Variants in PPA2 observed in about 807,000 individuals in gnomAD.
The protein encoded by PPA2 is inorganic pyrophosphatase 2, mitochondrial.
In PPA2, 48 loss-of-function variants were observed where a neutral mutation model predicts 49.5. The ratio of observed to expected loss-of-function variants is 0.97; its 90% CI spans 0.77 to 1.23. The LOEUF (loss-of-function observed/expected upper bound fraction) is 1.23, where lower values mean the gene tolerates loss of function less well. Ranked by LOEUF, PPA2 falls within the 50% of genes most tolerant of loss-of-function variation. The pLI, the probability that PPA2 is intolerant of heterozygous loss-of-function variation, is 0.00. For missense variants in PPA2, 429 were observed against 410.1 expected, an observed-to-expected ratio of 1.05 and a Z score of -0.40; for synonymous variants, 131 against 139.9, an observed-to-expected ratio of 0.94 and a Z score of 0.45.
intron 1 of PPA2, chr4:105,473,540 A>ACGG (rs1417485823): frequency 2.0e-6 from 1 of 506,484 alleles, no homozygotes; most frequent in Admixed American, 2.3e-5. Context: ...TGAACCGGGA[A>ACGG]CGGCGGCCGG....
chr4:105,455,433 A>G (rs998257987), intron 2 of PPA2, among the ~76,000 whole-genome samples: 4 of 152,190 alleles, frequency 2.6e-5, no homozygotes, highest in Non-Finnish European at 4.4e-5. Flanking sequence ...GCATTACACA[A>G]GAGAAGTGAG....
At chr4:105,383,164 C>T (rs1160527126) in intron 10 of PPA2, among the ~76,000 whole-genome samples, 2 of 152,168 alleles carry the variant, frequency 1.3e-5, no homozygotes, top group Admixed American at 6.6e-5. Context: ...GTTTATGATA[C>T]AGTCATGCTT....
chr4:105,428,136 G>C (rs1296215962), intron 6 of PPA2, among the ~76,000 whole-genome samples: 1 of 152,158 alleles, frequency 6.6e-6, no homozygotes, highest in Non-Finnish European at 1.5e-5. Flanking sequence ...ATCCTTTATA[G>C]ACAAGCAAAT....
At chr4:105,467,859 T>C (rs942586741) in intron 1 of PPA2, among the ~76,000 whole-genome samples, 1 of 152,200 alleles carries the variant, frequency 6.6e-6, no homozygotes, top group African/African-American at 2.4e-5. Context: ...GAGTTCTGTT[T>C]TGTGCTGTTA....
intron 7 of PPA2, among the ~76,000 whole-genome samples, chr4:105,408,151 T>C (rs1196799564): frequency 6.6e-6 from 1 of 150,696 alleles, no homozygotes. Context: ...AGTGTGGGAG[T>C]GAAAAAAGTG....
At chr4:105,427,689 T>C (rs1035118168) in intron 6 of PPA2, among the ~76,000 whole-genome samples, 2 of 152,000 alleles carry the variant, frequency 1.3e-5, no homozygotes, top group African/African-American at 4.8e-5. Context: ...CCAAGAAATA[T>C]AGGACTATGT....
chr4:105,421,827 T>C (rs1034288692), intron 7 of PPA2, among the ~76,000 whole-genome samples: 1 of 152,080 alleles, frequency 6.6e-6, no homozygotes, highest in Non-Finnish European at 1.5e-5. Context: ...TAGATCCCTT[T>C]AGGCCAGGAG....
intron 3 of PPA2, among the ~76,000 whole-genome samples, chr4:105,453,136 T>C (rs949898701): frequency 9.2e-5 from 14 of 152,210 alleles, no homozygotes; most frequent in African/African-American, 2.9e-4. Flanking sequence ...TGGGTTCCTG[T>C]GCTAATTCTC....
At chr4:105,401,794 C>T (rs777510648) in intron 7 of PPA2, among the ~76,000 whole-genome samples, 1 of 152,160 alleles carries the variant, frequency 6.6e-6, no homozygotes, top group Non-Finnish European at 1.5e-5. Flanking sequence ...GATCAACTTA[C>T]TGGACTGATT....
chr4:105,387,609 G>C (rs547824413), intron 9 of PPA2, among the ~76,000 whole-genome samples: 1 of 152,252 alleles, frequency 6.6e-6, no homozygotes, highest in African/African-American at 2.4e-5. Context: ...TTTCTATCCA[G>C]ACTCATAATG....
In PPA2 at chr4:105,376,916, C is replaced by G. The variant is rs575226158; in HGVS notation, c.940-6043G>C. 5.9e-5 allele frequency among the ~76,000 whole-genome samples: 9 copies of G among 152,248 alleles called. No individual in the cohort carries two copies. In the East Asian group the frequency reaches 1.7e-3, roughly 29 times the overall value. On this transcript the variant is annotated intron_variant, in intron 10 of 11. Transcript: ENST00000341695. Reference sequence around the variant, plus strand: ...CAGTACCAAGTATTAGAGAACCTCACACATTGTTTAATTCATATTTCCCCA... The same window carrying G: ...CAGTACCAAGTATTAGAGAACCTCAGACATTGTTTAATTCATATTTCCCCA...
intron 1 of PPA2, among the ~76,000 whole-genome samples, chr4:105,461,833 C>T (rs190843314): frequency 7.9e-5 from 12 of 152,318 alleles, no homozygotes; most frequent in Admixed American, 1.3e-4. Flanking sequence ...CAGTGATCCA[C>T]GCCCATAGCT....
intron 4 of PPA2, among the ~76,000 whole-genome samples, chr4:105,447,152 C>A (rs557704517): frequency 6.6e-6 from 1 of 152,010 alleles, no homozygotes; most frequent in African/African-American, 2.4e-5. Context: ...TGTCCATCAA[C>A]AGATTAATGG....
At chr4:105,424,525 G>C (rs1199153481) in intron 6 of PPA2, among the ~76,000 whole-genome samples, 1 of 152,072 alleles carries the variant, frequency 6.6e-6, no homozygotes, top group Admixed American at 6.5e-5. Context: ...TTTCACCAAT[G>C]ACTGAATTAT....
At chr4:105,435,323 A>C (rs1003630930) in intron 6 of PPA2, among the ~76,000 whole-genome samples, 1 of 152,208 alleles carries the variant, frequency 6.6e-6, no homozygotes, top group East Asian at 1.9e-4. Flanking sequence ...TTCTCTGGCT[A>C]TAAGATGCAA....
At chr4:105,405,014 C>T (rs536259929) in intron 7 of PPA2, 26 of 181,262 alleles carry the variant, frequency 1.4e-4, no homozygotes, top group South Asian at 7.5e-4. Flanking sequence ...ACCTGGGAGG[C>T]GGAGCTTGCA....
At chr4:105,413,592 C>G (rs980962252) in intron 7 of PPA2, among the ~76,000 whole-genome samples, 3 of 152,150 alleles carry the variant, frequency 2.0e-5, no homozygotes, top group Non-Finnish European at 4.4e-5. Flanking sequence ...GATGCTGGCA[C>G]AGGATTCTAT....
At chr4:105,398,550 T>C (rs1396584555) in intron 8 of PPA2, 1 of 152,478 alleles carries the variant, frequency 6.6e-6, no homozygotes, top group African/African-American at 2.4e-5. Context: ...TGTGTCATAT[T>C]AGAGATACTT....
chr4:105,411,900 T>C (rs1722777084), intron 7 of PPA2, among the ~76,000 whole-genome samples: 1 of 152,160 alleles, frequency 6.6e-6, no homozygotes, highest in African/African-American at 2.4e-5. Context: ...GAAGGACCTC[T>C]TCAAGGAGAA....
Sources: gnomAD v4.1 joint callset for allele counts (sites outside exome capture counted in the v4.1 genomes callset) on GRCh38, gnomAD v4.1.1 for gene constraint, MANE v1.5 for transcripts, NCBI Gene and HGNC (gene_info 2026-07-23, HGNC 2026-07-21) for gene names.